Variants in SVEP1 observed in about 807,000 individuals in gnomAD.
The protein encoded by SVEP1 is sushi, von Willebrand factor type A, EGF and pentraxin domain containing 1, also known as sushi, von Willebrand factor type A, EGF and pentraxin domain-containing protein 1.
In SVEP1, 164 loss-of-function variants were observed where a neutral mutation model predicts 367.3. That is an observed-to-expected ratio of 0.45 (90% CI 0.39 to 0.51). The LOEUF (loss-of-function observed/expected upper bound fraction) is 0.51. Among genes scored for constraint, SVEP1 ranks in the 20% least tolerant of loss-of-function variants. SVEP1 has a pLI of 0.00. For missense variants in SVEP1, 4,117 were observed against 4,425.3 expected, an observed-to-expected ratio of 0.93 and a Z score of 1.98; for synonymous variants, 1,666 against 1,611.6, an observed-to-expected ratio of 1.03 and a Z score of -0.81.
At chr9:110,506,087 T>C (rs1415876903) in intron 5 of SVEP1, among the ~76,000 whole-genome samples, 10 of 152,168 alleles carry the variant, frequency 6.6e-5, no homozygotes, top group Admixed American at 6.5e-4. Context: ...TCTGTTCTTG[T>C]GTTAGTTTGC....
At chr9:110,436,973 A>G (rs1171395091) in intron 27 of SVEP1, among the ~76,000 whole-genome samples, 1 of 152,140 alleles carries the variant, frequency 6.6e-6, no homozygotes, top group Non-Finnish European at 1.5e-5. Context: ...TCATCTCTGT[A>G]ACTTCTCTGT....
At chr9:110,573,836 G>A (rs766909154) in intron 1 of SVEP1, among the ~76,000 whole-genome samples, 10 of 152,148 alleles carry the variant, frequency 6.6e-5, no homozygotes, top group Non-Finnish European at 1.3e-4. Flanking sequence ...CATTAATTCT[G>A]TAAAAGGATT....
Position 110,461,959 on chromosome 9 carries a change from A to G in SVEP1, c.3323-2846T>C, listed in dbSNP as rs562406207. On this transcript the variant is annotated intron_variant, in intron 18 of 47. Coordinates refer to ENST00000374469, the MANE Select transcript of SVEP1 (RefSeq NM_153366.4). Reference sequence around the variant, plus strand: ...CTTAAAATGGGTTTCCTCAATCTCAAGTTTCCGAGAGTGACTGCCTATTTG... The same window carrying G: ...CTTAAAATGGGTTTCCTCAATCTCAGGTTTCCGAGAGTGACTGCCTATTTG... 4.6e-5 allele frequency among the ~76,000 whole-genome samples: 7 copies of G among 152,250 alleles called. No individual in the cohort carries two copies. In the East Asian group the frequency reaches 1.2e-3, roughly 25 times the overall value.
At chr9:110,367,087 C>A (rs1429181584) in intron 47 of SVEP1, among the ~76,000 whole-genome samples, 1 of 152,244 alleles carries the variant, frequency 6.6e-6, no homozygotes, top group Non-Finnish European at 1.5e-5. Context: ...AACTGACATT[C>A]ATGCCAGGAA....
At chr9:110,536,570 T>C (rs755891737) in intron 3 of SVEP1, among the ~76,000 whole-genome samples, 7 of 151,948 alleles carry the variant, frequency 4.6e-5, no homozygotes, top group Non-Finnish European at 1.0e-4. Flanking sequence ...AAATGTGAAC[T>C]TCTCACCCCT....
chr9:110,571,514 A>G (rs1830562455), intron 1 of SVEP1, among the ~76,000 whole-genome samples: 1 of 152,208 alleles, frequency 6.6e-6, no homozygotes, highest in Admixed American at 6.5e-5. Flanking sequence ...GATGGAGCAG[A>G]GCTGAAAAGA....
intron 3 of SVEP1, among the ~76,000 whole-genome samples, chr9:110,521,572 TG>T (rs1353046131): frequency 6.6e-6 from 1 of 152,218 alleles, no homozygotes; most frequent in Non-Finnish European, 1.5e-5. Flanking sequence ...TATATGTGTA[TG>T]CACACATACA....
chr9:110,549,033 C>G (rs1564173677), intron 2 of SVEP1, among the ~76,000 whole-genome samples: 2 of 152,114 alleles, frequency 1.3e-5, no homozygotes, highest in Non-Finnish European at 2.9e-5. Context: ...TTTCTTAGAA[C>G]TCATGTTGCC....
At chr9:110,558,333 CAAAAAAAAA>C (rs60516091) in intron 1 of SVEP1, among the ~76,000 whole-genome samples, 3 of 88,346 alleles carry the variant, frequency 3.4e-5, no homozygotes, top group African/African-American at 4.7e-5. Flanking sequence ...CCTGTCTCTA[CAAAAAAAAA>C]AAAAAAAAAA....
Position 110,503,038 on chromosome 9 carries a change from C to T in SVEP1, c.1483G>A (p.Glu495Lys). 1 of 1,609,422 alleles carries T rather than the reference C, an allele frequency of 6.2e-7. No homozygotes were observed. The highest frequency in any genetic ancestry group is 8.5e-7 in the Non-Finnish European group (1 of 1,178,196). The part of the protein sequence containing the change: ...QWDGPEPRCV[E>K]RHCSTFQMPK... The stretch of plus-strand genomic sequence containing the variant: ...GGCATTACACCTTCTAGAAACTTAC[C>T]CACACACCGGGGTTCTGGCCCATCC... The change falls in exon 6 of 48, where the codon GAG (glutamate) becomes AAG (lysine). Residue 495 changes from glutamate to lysine, a missense_variant and splice_region_variant. By Grantham distance (56) the Glu-to-Lys change is moderately conservative (BLOSUM62 1). Transcript: ENST00000374469.
chr9:110,392,477 A>G (rs1827676383), intron 40 of SVEP1, among the ~76,000 whole-genome samples: 1 of 152,176 alleles, frequency 6.6e-6, no homozygotes, highest in Non-Finnish European at 1.5e-5. Context: ...TCACCCATCC[A>G]GAGACACATA....
rs774876976 is a variant in SVEP1, at chr9:110,375,430, C to T, written c.10538G>A (p.Arg3513His). The T allele has an allele frequency of 3.7e-5, 56 of 1,510,626 alleles. No individual in the cohort carries two copies. The East Asian group carries it at 1.1e-3, about 29-fold the overall frequency. The allele number at this position is 1,510,626 out of a possible 1,614,324, so 93.6% of individuals were successfully genotyped here. ...GTCACACTGGTAAGGGGCCACACAG[C>T]GACCTCCGTTCAGACAGGGAAGAAT... ...ICILPCLNGG[R>H]CVAPYQCDCP... Residue 3513 changes from arginine (R) to histidine (H), a missense_variant, in exon 46 of 48, where the codon CGC (arginine) becomes CAC (histidine). This residue lies in a region of SVEP1 where 1,765 missense variants were observed against 1,781.1 expected (regional missense o/e 0.99). Transcript: ENST00000374469.
chr9:110,496,906 G>C lies in SVEP1; in HGVS notation c.1709C>G (p.Pro570Arg). Residue 570 changes from proline (P) to arginine (R), a missense_variant, in exon 8 of 48, where the codon CCT becomes CGT. This residue lies in a region of SVEP1 where 2,174 missense variants were observed against 2,494.3 expected (regional missense o/e 0.87). Transcript: ENST00000374469. ...KDVEAPQINC[P>R]KDIEAKTLEQ... ...CAGAGTCTTAGCCTCTATGTCCTTA[G>C]GACAGTTGATTTGAGGAGCCTCCAC... The C allele has an allele frequency of 6.5e-7, 1 of 1,550,344 alleles. No individual in the cohort carries two copies.
intron 3 of SVEP1, among the ~76,000 whole-genome samples, chr9:110,523,165 T>C (rs766100625): frequency 2.0e-5 from 3 of 152,112 alleles, no homozygotes; most frequent in Non-Finnish European, 4.4e-5. Flanking sequence ...ACTATATCCA[T>C]AGATTTTTCC....
chr9:110,533,617 C>T (rs991902595), intron 3 of SVEP1, among the ~76,000 whole-genome samples: 18 of 108,032 alleles, frequency 1.7e-4, no homozygotes, highest in African/African-American at 4.7e-4. Context: ...TGCACGCACA[C>T]GTGTGTGTGT....
chr9:110,414,432 G>C (rs1350810070), intron 36 of SVEP1, among the ~76,000 whole-genome samples: 1 of 151,948 alleles, frequency 6.6e-6, no homozygotes, highest in Non-Finnish European at 1.5e-5. Flanking sequence ...CCCAATAGTT[G>C]AGTACAGCCC....
In SVEP1 at chr9:110,479,670, A is replaced by T; in HGVS notation, c.2452T>A (p.Phe818Ile). 1 of 1,609,928 alleles carries T rather than the reference A, an allele frequency of 6.2e-7. No homozygotes were observed. Among genetic ancestry groups the T allele is most frequent in the Non-Finnish European group, 8.5e-7 (1 of 1,178,466 alleles). Reference sequence around the variant, plus strand: ...AGGGTCGTCTCAAATGCTTCAGAAAACTTCTTCATCAGATCTGTGTCATCA... The same window carrying T: ...AGGGTCGTCTCAAATGCTTCAGAAATCTTCTTCATCAGATCTGTGTCATCA... Reference protein sequence around the residue: ...RCDDTDLMKKFSEAFETTLGK... With the variant: ...RCDDTDLMKKISEAFETTLGK... Residue 818 changes from phenylalanine to isoleucine, a missense_variant, in exon 13 of 48, where the codon TTT becomes ATT. Phe to Ile is a conservative substitution (Grantham distance 21). Transcript: ENST00000374469.
chr9:110,539,742 A>G (rs992806609), intron 3 of SVEP1, among the ~76,000 whole-genome samples: 1 of 151,930 alleles, frequency 6.6e-6, no homozygotes, highest in African/African-American at 2.4e-5. Context: ...CAGAGGGGCC[A>G]TGCTAATTTT....
At chr9:110,428,244 C>T (rs1828284082) in intron 35 of SVEP1, among the ~76,000 whole-genome samples, 2 of 152,176 alleles carry the variant, frequency 1.3e-5, no homozygotes, top group Non-Finnish European at 2.9e-5. Flanking sequence ...ACCTCACATC[C>T]CTATGCCATG....
Sources: allele counts gnomAD v4.1 joint callset (sites outside exome capture counted in the v4.1 genomes callset), GRCh38; gene constraint gnomAD v4.1.1; regional missense constraint gnomAD v4.1.1; transcripts MANE v1.5; gene names NCBI Gene and HGNC (gene_info 2026-07-23, HGNC 2026-07-21).